Variants in GRIPAP1 observed in about 807,000 individuals in gnomAD.
GRIPAP1 encodes GRIP1-associated protein 1.
A neutral mutation model predicts 84.1 loss-of-function variants in GRIPAP1; 14 were observed. That is an observed-to-expected ratio of 0.17 (90% CI 0.11 to 0.26). GRIPAP1 has a LOEUF of 0.26. GRIPAP1 is among the 10% of genes least tolerant of loss of function. GRIPAP1 has a pLI of 1.00. For synonymous variants in GRIPAP1, 261 were observed against 256.8 expected (o/e 1.02, Z -0.15); for missense variants, 518 against 674.2 (o/e 0.77, Z 2.57).
chrX:48,985,477 G>T, intron 13 of GRIPAP1, 75 bp from the exon 14 acceptor site: 2 of 911,348 alleles, frequency 2.2e-6, no homozygotes, highest in South Asian at 2.1e-5. Flanking sequence ...GAGCCCCCTA[G>T]TTCCAGGGAA....
chrX:48,999,890 G>A (rs1457834814), intron 1 of GRIPAP1, among the ~76,000 whole-genome samples: 1 of 111,097 alleles, frequency 9.0e-6, no homozygotes, highest in Non-Finnish European at 1.9e-5. Context: ...ACTGTCAGGG[G>A]TGTTGTCCAT....
Position 48,981,887 on chromosome X carries a change from C to T in GRIPAP1, c.1600-15G>A, listed in dbSNP as rs782128838. Reference sequence around the variant, plus strand: ...TGCAGGGATTCCTACAAGACAAGTCCCAGGTCTGGCCACAGCCCCCCAGAA... The same window carrying T: ...TGCAGGGATTCCTACAAGACAAGTCTCAGGTCTGGCCACAGCCCCCCAGAA... On this transcript the variant is annotated splice_polypyrimidine_tract_variant and intron_variant, in intron 17 of 25. Coordinates refer to ENST00000376423, the MANE Select transcript of GRIPAP1 (RefSeq NM_020137.5). 7.2e-6 allele frequency: 8 copies of T among 1,109,821 alleles called. No individual in the cohort carries two copies. In the South Asian group the frequency reaches 7.8e-5, roughly 11 times the overall value. The allele number at this position is 1,109,821 out of a possible 1,213,427, so 91.5% of individuals were successfully genotyped here.
intron 4 of GRIPAP1, 165 bp downstream of exon 4, chrX:48,997,989 C>A: frequency 2.0e-6 from 1 of 506,345 alleles, no homozygotes; most frequent in Non-Finnish European, 3.6e-6. Flanking sequence ...AGAGTTAGGA[C>A]AAATACAGGG....
In GRIPAP1 at chrX:48,975,262, C is replaced by T. The variant is rs2064416028; in HGVS notation, c.2326G>A (p.Val776Ile). 1.7e-6 allele frequency: 2 copies of T among 1,211,415 alleles called. No homozygotes were observed. The highest frequency in any genetic ancestry group is 2.2e-6 in the Non-Finnish European group (2 of 895,172). Reference sequence around the variant, plus strand: ...CCTGGCTTCACTAGGTCTCTCAGGACGCTGCCCAGCCCGCTGCGGTCTGTG... The same window carrying T: ...CCTGGCTTCACTAGGTCTCTCAGGATGCTGCCCAGCCCGCTGCGGTCTGTG... ...GHTDRSGLGS[V>I]LRDLVKPGDE... is the part of the protein sequence containing the mutation. Residue 776 changes from valine to isoleucine, a missense_variant, in exon 25 of 26, where the codon GTC (valine) becomes ATC (isoleucine). Around this residue, in one of 5 missense-constraint regions of GRIPAP1, gnomAD observed 32 missense variants for 82.4 expected, o/e 0.39. Coordinates refer to ENST00000376423, the MANE Select transcript of GRIPAP1 (RefSeq NM_020137.5).
chrX:48,999,515 G>A lies in GRIPAP1; in HGVS notation c.43-11C>T. The A allele has an allele frequency of 8.5e-7, 1 of 1,180,804 alleles. No individual in the cohort carries two copies. Among genetic ancestry groups the A allele is most frequent in the Non-Finnish European group, 1.2e-6 (1 of 868,180 alleles). On this transcript the variant is annotated splice_polypyrimidine_tract_variant and intron_variant, in intron 1 of 25. Coordinates refer to ENST00000376423, the MANE Select transcript of GRIPAP1 (RefSeq NM_020137.5). ...TTCCAGGAGCTGAGCCTTTGGGGGA[G>A]GCAGGAAGGGAAAAGACTTGGTCAG...
intron 21 of GRIPAP1, among the ~76,000 whole-genome samples, chrX:48,980,225 TTGTGTG>T (rs781796368): frequency 0.012 from 1,099 of 89,972 alleles, 9 homozygotes; most frequent in African/African-American, 0.019. Flanking sequence ...GCAACTAAAG[TTGTGTG>T]TGTGTGTGTG....
intron 17 of GRIPAP1, 36 bp from the exon 18 acceptor site, chrX:48,981,908 C>G (rs1261878323): frequency 6.0e-6 from 6 of 996,024 alleles, no homozygotes; most frequent in East Asian, 3.3e-5. Flanking sequence ...CACAGCCCCC[C>G]AGAAGGTATC....
rs200295957 is a variant in GRIPAP1 at position 48,978,442 on chromosome X, G to A, written c.1931-7C>T. 6 of 1,183,279 alleles carry A rather than the reference G, an allele frequency of 5.1e-6. No individual in the cohort carries two copies. The East Asian group carries it at 1.8e-4, about 36-fold the overall frequency. On this transcript the variant is annotated splice_region_variant and splice_polypyrimidine_tract_variant and intron_variant, in intron 21 of 25. Transcript: ENST00000376423. ...AGAACCAGCTCCTCAAGGCCTGGGT[G>A]GTGGAGGGAAGAGAAACTTGAGCCC...
In GRIPAP1 at chrX:48,983,889, G is replaced by A. The variant is rs1557063004; in HGVS notation, c.1177-19C>T. 1 of 1,014,283 alleles carries A rather than the reference G, an allele frequency of 9.9e-7. No individual in the cohort carries two copies. The allele number at this position is 1,014,283 out of a possible 1,213,427, so 83.6% of individuals were successfully genotyped here. A position where few individuals can be genotyped will look rare whatever the true frequency, so the allele number is the denominator to read the frequency against. ...ATGACTCCTAATGCAGACACCAAAG[G>A]GAAAGAGTTTGATAAAGAGCATCCA... On this transcript the variant is annotated intron_variant, in intron 14 of 25. Transcript: ENST00000376423.
At chrX:48,987,079 C>T (rs1268940092) in intron 13 of GRIPAP1, among the ~76,000 whole-genome samples, 2 of 100,684 alleles carry the variant, frequency 2.0e-5, no homozygotes, top group East Asian at 6.3e-4. Flanking sequence ...AACTCCTGAC[C>T]TCAGGTGATC....
chrX:48,990,213 G>C (rs2064512719), intron 8 of GRIPAP1, among the ~76,000 whole-genome samples: 1 of 111,527 alleles, frequency 9.0e-6, no homozygotes, highest in Non-Finnish European at 1.9e-5. Context: ...TAAGTAATTT[G>C]GTTGCTCAGC....
At chrX:48,986,658 G>A (rs1301891830) in intron 13 of GRIPAP1, among the ~76,000 whole-genome samples, 1 of 110,640 alleles carries the variant, frequency 9.0e-6, no homozygotes, top group African/African-American at 3.3e-5. Context: ...GCCTTCCAAA[G>A]TGCTGGGATT....
At chrX:49,000,092 G>A (rs1193605837) in intron 1 of GRIPAP1, among the ~76,000 whole-genome samples, 2 of 110,465 alleles carry the variant, frequency 1.8e-5, no homozygotes, top group African/African-American at 3.3e-5. Context: ...AGGACCAGGT[G>A]CGGTGGCTCA....
At chrX:48,995,770 T>C (rs995676544) in intron 5 of GRIPAP1, among the ~76,000 whole-genome samples, 9 of 110,232 alleles carry the variant, frequency 8.2e-5, no homozygotes, top group Middle Eastern at 4.6e-3. Context: ...TAATTTTTTG[T>C]ATTTTTAGTA....
At position 48,990,914 on chromosome X, in the gene GRIPAP1, A is replaced by T; in HGVS notation, c.642+12T>A. On this transcript the variant is annotated intron_variant, in intron 7 of 25. Transcript: ENST00000376423. ...CCTTCTGGCATTCCAGCTCCAACAGACTCAGATTCACCTCTAAGCCTTGCA... is the reference window on the plus strand; with the variant it reads ...CCTTCTGGCATTCCAGCTCCAACAGTCTCAGATTCACCTCTAAGCCTTGCA... The T allele has an allele frequency of 8.8e-7, 1 of 1,134,481 alleles. No homozygotes were observed. The allele number at this position is 1,134,481 out of a possible 1,213,427, so 93.5% of individuals were successfully genotyped here. A position where few individuals can be genotyped will look rare whatever the true frequency, so the allele number is the denominator to read the frequency against.
At chrX:48,996,480 C>T (rs1905177662) in intron 5 of GRIPAP1, among the ~76,000 whole-genome samples, 1 of 111,773 alleles carries the variant, frequency 8.9e-6, no homozygotes, top group African/African-American at 3.3e-5. Context: ...CTCATCTCTA[C>T]TAAAAATACA....
chrX:48,988,395 T>C, intron 11 of GRIPAP1, 197 bp from the exon 12 acceptor site: 1 of 425,942 alleles, frequency 2.3e-6, no homozygotes, highest in African/African-American at 2.5e-5. Context: ...TCAACCCCTC[T>C]ATCCCAGCGT....
intron 8 of GRIPAP1, 127 bp downstream of exon 8, chrX:48,990,558 C>T: frequency 3.8e-6 from 2 of 523,456 alleles, no homozygotes; most frequent in South Asian, 2.9e-5. Flanking sequence ...TGAGTCTCTC[C>T]ATTTCACAGA....
chrX:48,993,109 C>T (rs982223291), intron 6 of GRIPAP1, among the ~76,000 whole-genome samples: 1 of 112,737 alleles, frequency 8.9e-6, no homozygotes, highest in Admixed American at 9.4e-5. Context: ...CGTGAGCCAC[C>T]GCGCCCGGCC....
Sources: gnomAD v4.1 joint callset for allele counts (sites outside exome capture counted in the v4.1 genomes callset) on GRCh38, gnomAD v4.1.1 for gene constraint, gnomAD v4.1.1 regional missense constraint, MANE v1.5 for transcripts, NCBI Gene and HGNC (gene_info 2026-07-23, HGNC 2026-07-21) for gene names.